The following RASSF2 variants were observed in gnomAD, a reference collection of about 807,000 sequenced individuals.
RASSF2 encodes the protein ras association domain-containing protein 2.
In RASSF2, 34 loss-of-function variants were observed where a neutral mutation model predicts 46.3. That is an observed-to-expected ratio of 0.73 (90% CI 0.56 to 0.98). The LOEUF (loss-of-function observed/expected upper bound fraction) is 0.98. Among genes scored for constraint, RASSF2 ranks in the 50% least tolerant of loss-of-function variants. RASSF2 has a pLI of 0.00. For synonymous variants in RASSF2, 158 were observed against 162.5 expected, an observed-to-expected ratio of 0.97 and a Z score of 0.21; for missense variants, 364 against 431.2, an observed-to-expected ratio of 0.84 and a Z score of 1.38.
chr20:4,814,773 C>T (rs1928154864), intron 2 of RASSF2, among the ~76,000 whole-genome samples: 1 of 152,210 alleles, frequency 6.6e-6, no homozygotes, highest in African/African-American at 2.4e-5. Flanking sequence ...TCAGACCCCT[C>T]CTAGTGCCAG....
rs1014694290 is a variant in RASSF2, at chr20:4,782,073, C to G, written c.*2200G>C. Reference sequence around the variant, plus strand: ...TCCTCTCACTTCCACCTCCTGACCTCCCATCTTTAAAAAGCTGAGTCTGCC... The same window carrying G: ...TCCTCTCACTTCCACCTCCTGACCTGCCATCTTTAAAAAGCTGAGTCTGCC... On this transcript the variant is annotated 3_prime_UTR_variant, in exon 12 of 12. Coordinates refer to ENST00000379400, the MANE Select transcript of RASSF2 (RefSeq NM_014737.3). The G allele has an allele frequency of 2.0e-5, 3 of 152,232 alleles. No homozygotes were observed. Among genetic ancestry groups the G allele is most frequent in the Non-Finnish European group, 2.9e-5 (2 of 68,050 alleles). 9.4% of individuals were successfully genotyped at this position (152,232 alleles called of 1,614,324 possible).
At position 4,818,222 on chromosome 20, in the gene RASSF2, G is replaced by A. The variant is rs550332768; in HGVS notation, c.-33+4107C>T. Among the ~76,000 whole-genome samples the A allele has an allele frequency of 9.2e-5, 14 of 151,964 alleles. No individual in the cohort carries two copies. In the East Asian group the frequency reaches 1.9e-3, roughly 21 times the overall value. ...GTAGAGGTTGTAGTGAGCCAAGATC[G>A]TGCCACTGCATTCCAGCCTAGGCAA... On this transcript the variant is annotated intron_variant, in intron 2 of 11. Coordinates refer to ENST00000379400, the MANE Select transcript of RASSF2 (RefSeq NM_014737.3).
intron 10 of RASSF2, 126 bp downstream of exon 10, chr20:4,787,507 G>T: frequency 1.7e-6 from 2 of 1,170,962 alleles, no homozygotes; most frequent in Middle Eastern, 2.0e-4. Flanking sequence ...GAGAGAACCT[G>T]GTGCTGAAGA....
At chr20:4,814,676 A>C (rs980469379) in intron 2 of RASSF2, among the ~76,000 whole-genome samples, 1 of 152,126 alleles carries the variant, frequency 6.6e-6, no homozygotes, top group South Asian at 2.1e-4. Context: ...ATTGCGGCAT[A>C]TCTGACATCC....
chr20:4,793,144 G>C (rs966142584), intron 5 of RASSF2: 1 of 161,544 alleles, frequency 6.2e-6, no homozygotes, highest in African/African-American at 2.4e-5. Flanking sequence ...GGCAGCTTTG[G>C]AAGGGACACT....
intron 5 of RASSF2, 66 bp from the exon 6 acceptor site, chr20:4,792,693 C>T (rs2295785): frequency 2.6e-6 from 4 of 1,550,156 alleles, no homozygotes; most frequent in East Asian, 2.4e-5. Flanking sequence ...GACGCCCCCG[C>T]ACCCGCTGGA....
At chr20:4,821,216 C>T (rs572186588) in intron 2 of RASSF2, among the ~76,000 whole-genome samples, 6 of 152,176 alleles carry the variant, frequency 3.9e-5, no homozygotes, top group South Asian at 4.2e-4. Context: ...TAGGGTTGTC[C>T]GCCACACCAA....
At chr20:4,818,706 C>G (rs1390128368) in intron 2 of RASSF2, among the ~76,000 whole-genome samples, 3 of 152,190 alleles carry the variant, frequency 2.0e-5, no homozygotes, top group Non-Finnish European at 4.4e-5. Flanking sequence ...GAATACAAAC[C>G]ATGTGCAGGT....
rs76026194 is a variant in RASSF2 at position 4,804,951 on chromosome 20, C to A, written c.-32-3889G>T. On this transcript the variant is annotated intron_variant, in intron 2 of 11. Transcript: ENST00000379400. The stretch of plus-strand genomic sequence containing the variant: ...CTTTCTGGAGGAAGAGACCTCTAAA[C>A]TGAGACCTCAGTGTTGGCAAAGATG... 9.0e-4 allele frequency among the ~76,000 whole-genome samples: 137 copies of A among 152,098 alleles called. 1 individual carries two copies. The highest frequency in any genetic ancestry group is 3.3e-3 in the African/African-American group (135 of 41,494).
rs1037523685 is a variant in RASSF2 at position 4,813,793 on chromosome 20, G to C, written c.-33+8536C>G. Among the ~76,000 whole-genome samples the C allele has an allele frequency of 1.6e-4, 24 of 152,284 alleles. No individual in the cohort carries two copies. In the East Asian group the frequency reaches 4.6e-3, roughly 29 times the overall value. ...AGTCCAGTGTGTGGCGTGTGTGTGT[G>C]TGTGTGTGGAGGGTATGGTTGGGGG... On this transcript the variant is annotated intron_variant, in intron 2 of 11. Coordinates refer to ENST00000379400, the MANE Select transcript of RASSF2 (RefSeq NM_014737.3).
At chr20:4,805,873 A>G (rs1194928915) in intron 2 of RASSF2, among the ~76,000 whole-genome samples, 1 of 152,234 alleles carries the variant, frequency 6.6e-6, no homozygotes, top group Admixed American at 6.5e-5. Context: ...GAGGACCGCA[A>G]CGTAGGCAGA....
chr20:4,794,972 T>G (rs531895770), intron 5 of RASSF2, among the ~76,000 whole-genome samples: 28 of 152,268 alleles, frequency 1.8e-4, no homozygotes, highest in African/African-American at 5.5e-4. Flanking sequence ...AGGGCTTGGT[T>G]TTCATTTAAA....
intron 11 of RASSF2, among the ~76,000 whole-genome samples, chr20:4,785,364 A>ACAG (rs1568561298): frequency 6.6e-6 from 1 of 151,666 alleles, no homozygotes; most frequent in Non-Finnish European, 1.5e-5. Flanking sequence ...AACAACAACA[A>ACAG]CAACAAAAAC....
intron 1 of RASSF2, among the ~76,000 whole-genome samples, chr20:4,823,142 G>A (rs1384981011): frequency 6.6e-6 from 1 of 152,086 alleles, no homozygotes; most frequent in Non-Finnish European, 1.5e-5. Context: ...GAGGAGACAA[G>A]AGACAGGCGA....
At chr20:4,820,636 A>T (rs777711344) in intron 2 of RASSF2, among the ~76,000 whole-genome samples, 25 of 152,198 alleles carry the variant, frequency 1.6e-4, no homozygotes, top group Non-Finnish European at 3.1e-4. Flanking sequence ...AGTATTAGGG[A>T]GGTAGCAGGA....
rs767712177 is a variant in RASSF2, at chr20:4,786,245, C to A, written c.897G>T (p.Lys299Asn). ...GCCACACTTACTTGCGCATCAGCTT[C>A]TTTACTTCCCGATCTTCTTCCTCCT... The part of the protein sequence containing the change: ...KLQEEEDREV[K>N]KLMRKYTVLR... The change falls in exon 11 of 12, where the codon AAG becomes AAT. Residue 299 changes from lysine (K) to asparagine (N), a missense_variant. By Grantham distance (94) the Lys-to-Asn change is moderately conservative. Transcript: ENST00000379400. 1 of 1,611,764 alleles carries A rather than the reference C, an allele frequency of 6.2e-7. No individual in the cohort carries two copies.
At chr20:4,797,449 T>C (rs1240821420) in intron 4 of RASSF2, among the ~76,000 whole-genome samples, 1 of 152,224 alleles carries the variant, frequency 6.6e-6, no homozygotes, top group Non-Finnish European at 1.5e-5. Context: ...TAACTCATCA[T>C]CTATCTGATA....
chr20:4,793,253 AC>A (rs1926057885), intron 5 of RASSF2, among the ~76,000 whole-genome samples: 1 of 152,188 alleles, frequency 6.6e-6, no homozygotes, highest in African/African-American at 2.4e-5. Flanking sequence ...TGCCATCATA[AC>A]TGGCAAATAA....
In RASSF2 at chr20:4,784,318, A is replaced by C; in HGVS notation, c.936T>G (p.Ile312Met). The change falls in exon 12 of 12, where the codon ATT (isoleucine) becomes ATG (methionine). Residue 312 changes from isoleucine (I) to methionine (M), a missense_variant. Ile to Met is a conservative substitution (Grantham distance 10, BLOSUM62 1). Coordinates refer to ENST00000379400, the MANE Select transcript of RASSF2 (RefSeq NM_014737.3). ...CGGCTATCTCCTCCAGCCTCTGTCGAATCATTAGCCGGAGCACGGTGTACC... is the reference window on the plus strand; with the variant it reads ...CGGCTATCTCCTCCAGCCTCTGTCGCATCATTAGCCGGAGCACGGTGTACC... ...MRKYTVLRLM[I>M]RQRLEEIAET... 1 of 1,613,874 alleles carries C rather than the reference A, an allele frequency of 6.2e-7. No homozygotes were observed. Among genetic ancestry groups the C allele is most frequent in the Non-Finnish European group, 8.5e-7 (1 of 1,179,926 alleles).
Sources: gnomAD v4.1 joint callset for allele counts (sites outside exome capture counted in the v4.1 genomes callset) on GRCh38, gnomAD v4.1.1 for gene constraint, MANE v1.5 for transcripts, NCBI Gene and HGNC (gene_info 2026-07-23, HGNC 2026-07-21) for gene names.